The following PSG4 variants were observed in gnomAD, a reference collection of about 807,000 sequenced individuals.
The protein encoded by PSG4 is pregnancy-specific beta-1-glycoprotein 4.
In PSG4, 61 loss-of-function variants were observed where a neutral mutation model predicts 44.3. The observed-to-expected ratio is 1.38, with a 90% CI of 1.12 to 1.70. PSG4 has a LOEUF of 1.70. PSG4 is among the 40% of genes most tolerant of loss of function. The pLI, the probability that PSG4 is intolerant of heterozygous loss-of-function variation, is 0.00. For missense variants in PSG4, 677 were observed against 511.7 expected (o/e 1.32, Z -3.12); for synonymous variants, 248 against 191.3 (o/e 1.30, Z -2.45).
Position 43,204,042 on chromosome 19 carries a change from C to T in PSG4, c.274G>A (p.Gly92Arg), listed in dbSNP as rs1354626589. The change falls in exon 2 of 6, where the codon GGG (glycine) becomes AGG (arginine). Residue 92 changes from glycine to arginine, a missense_variant. By Grantham distance (125) the Gly-to-Arg change is moderately radical. Coordinates refer to ENST00000405312, the MANE Select transcript of PSG4 (RefSeq NM_002780.5). ...YVVDGQRIIY[G>R]PAYSGRERVY... is the part of the protein sequence containing the mutation. ...CTTTCTCTTCCACTGTATGCAGGCC[C>T]ATATATAATTCTTTGACCGTCTACT... is the stretch of plus-strand genomic sequence containing the variant. 6.3e-7 allele frequency: 1 copy of T among 1,587,044 alleles called. No individual in the cohort carries two copies. The highest frequency in any genetic ancestry group is 8.5e-7 in the Non-Finnish European group (1 of 1,171,338).
At position 43,201,411 on chromosome 19, in the gene PSG4, A is replaced by G. The variant is rs750855459; in HGVS notation, c.430+2475T>C. 7.5e-5 allele frequency among the ~76,000 whole-genome samples: 11 copies of G among 145,698 alleles called. 1 individual carries two copies. The highest frequency in any genetic ancestry group is 1.6e-4 in the Non-Finnish European group (11 of 67,168). Reference sequence around the variant, plus strand: ...CTGACTGCTCCAGTGTCATTTGGCAAGAGTTTACAAAATTTGTAACTAATT... The same window carrying G: ...CTGACTGCTCCAGTGTCATTTGGCAGGAGTTTACAAAATTTGTAACTAATT... On this transcript the variant is annotated intron_variant, in intron 2 of 5. Transcript: ENST00000405312.
rs1004278114 is a variant in PSG4, at chr19:43,201,032, C to G, written c.431-2757G>C. ...GTTGAGGATGGAGTCCCAAGTGATA[C>G]AGGAGAAATGAGTCCATGTGCTTTG... On this transcript the variant is annotated intron_variant, in intron 2 of 5. Transcript: ENST00000405312. Among the ~76,000 whole-genome samples, 7 of 145,764 alleles carry G rather than the reference C, an allele frequency of 4.8e-5. 1 individual carries two copies. The highest frequency in any genetic ancestry group is 1.0e-4 in the Non-Finnish European group (7 of 67,192).
Position 43,201,821 on chromosome 19 carries a change from G to T in PSG4, c.430+2065C>A, listed in dbSNP as rs879768777. Among the ~76,000 whole-genome samples, 43 of 140,680 alleles carry T rather than the reference G, an allele frequency of 3.1e-4. 3 individuals carry two copies. Among genetic ancestry groups the T allele is most frequent in the Admixed American group, 4.2e-4 (6 of 14,160 alleles). The allele number at this position is 140,680 out of a possible 152,430, so 92.3% of individuals were successfully genotyped here. A position where few individuals can be genotyped will look rare whatever the true frequency, so the allele number is the denominator to read the frequency against. ...TAGAAACCAACATTTCAATAATTTT[G>T]TGTGTGTGTGTGTGTGTGTGCAGAA... On this transcript the variant is annotated intron_variant, in intron 2 of 5. Coordinates refer to ENST00000405312, the MANE Select transcript of PSG4 (RefSeq NM_002780.5).
chr19:43,195,160 G>C lies in PSG4; in HGVS notation c.823C>G (p.Leu275Val). The C allele has an allele frequency of 6.2e-7, 1 of 1,610,294 alleles. No individual in the cohort carries two copies. Among genetic ancestry groups the C allele is most frequent in the African/African-American group, 1.3e-5 (1 of 74,512 alleles). ...CTGACAGGGAGGCTCTGACCATTTA[G>C]CCACCAAATGTAGGTGTAGTTCTTA... ...KSKNYTYIWW[L>V]NGQSLPVSPR... Residue 275 changes from leucine (L) to valine (V), a missense_variant, in exon 4 of 6, where the codon CTA becomes GTA. Coordinates refer to ENST00000405312, the MANE Select transcript of PSG4 (RefSeq NM_002780.5).
intron 2 of PSG4, among the ~76,000 whole-genome samples, chr19:43,201,180 C>T (rs1460120422): frequency 6.9e-6 from 1 of 145,736 alleles, no homozygotes; most frequent in Admixed American, 6.8e-5. Flanking sequence ...TGTCCTCACT[C>T]GTTCCTGGGC....
chr19:43,199,449 A>G (rs1967407857), intron 2 of PSG4, among the ~76,000 whole-genome samples: 1 of 145,748 alleles, frequency 6.9e-6, no homozygotes, highest in Non-Finnish European at 1.5e-5. Flanking sequence ...CAGAAAGGTT[A>G]AAACAAAGTG....
rs575304746 is a variant in PSG4 at position 43,203,628 on chromosome 19, C to G, written c.430+258G>C. On this transcript the variant is annotated intron_variant, in intron 2 of 5. Coordinates refer to ENST00000405312, the MANE Select transcript of PSG4 (RefSeq NM_002780.5). ...GAGGGCATGAGGTGCTTGTCTGAGA[C>G]TGATCTCCTCCTGCTGAGTCCCCCC... The G allele has an allele frequency of 1.9e-5, 11 of 565,738 alleles. 1 individual carries two copies. The African/African-American group carries it at 2.1e-4, about 11-fold the overall frequency. The allele number at this position is 565,738 out of a possible 1,614,324, so 35.0% of individuals were successfully genotyped here.
In PSG4 at chr19:43,204,240, T is replaced by G. The variant is rs200280490; in HGVS notation, c.76A>C (p.Asn26His). 6.7e-5 allele frequency: 105 copies of G among 1,576,004 alleles called. 7 individuals are homozygous for G. The highest frequency in any genetic ancestry group is 8.7e-5 in the Non-Finnish European group (101 of 1,165,520). ...GCAGTTGTGGGCGGATTCCAGAAGT[T>G]TAAAAGTGATGCTAGGAGGTACAGA... is the stretch of plus-strand genomic sequence containing the variant. ...KGVLLTASLL[N>H]FWNPPTTAQV... The change falls in exon 2 of 6, where the codon AAC becomes CAC. Residue 26 changes from asparagine (N) to histidine (H), a missense_variant. Coordinates refer to ENST00000405312, the MANE Select transcript of PSG4 (RefSeq NM_002780.5).
intron 4 of PSG4, 161 bp from the exon 5 acceptor site, chr19:43,194,755 G>C (rs1967160981): frequency 1.4e-6 from 2 of 1,423,104 alleles, no homozygotes; most frequent in African/African-American, 1.4e-5. Context: ...GTATTCACCT[G>C]TTTCTCCCAT....
At chr19:43,205,011 A>C (rs996744666) in intron 1 of PSG4, 2 of 226,356 alleles carry the variant, frequency 8.8e-6, no homozygotes, top group Non-Finnish European at 1.7e-5. Flanking sequence ...TTCCGCTTCA[A>C]TGTGACTTTC....
chr19:43,193,062 G>A lies in PSG4; in HGVS notation c.*310C>T, dbSNP rs182782009. 4 of 593,550 alleles carry A rather than the reference G, an allele frequency of 6.7e-6. No individual in the cohort carries two copies. Among genetic ancestry groups the A allele is most frequent in the East Asian group, 5.5e-5 (2 of 36,302 alleles). 36.8% of individuals were successfully genotyped at this position (593,550 alleles called of 1,614,324 possible). ...ATTATCCTGCCAAGTGAAAGAGGCA[G>A]GCATGAGCAAGGACGGTTAAGAGGG... is the stretch of plus-strand genomic sequence containing the variant. On this transcript the variant is annotated 3_prime_UTR_variant, in exon 6 of 6. Coordinates refer to ENST00000405312, the MANE Select transcript of PSG4 (RefSeq NM_002780.5).
At position 43,193,060 on chromosome 19, in the gene PSG4, C is replaced by G; in HGVS notation, c.*312G>C. The stretch of plus-strand genomic sequence containing the variant: ...GCATTATCCTGCCAAGTGAAAGAGG[C>G]AGGCATGAGCAAGGACGGTTAAGAG... On this transcript the variant is annotated 3_prime_UTR_variant, in exon 6 of 6. Transcript: ENST00000405312. 2 of 590,430 alleles carry G rather than the reference C, an allele frequency of 3.4e-6. No homozygotes were observed. The highest frequency in any genetic ancestry group is 5.5e-5 in the East Asian group (2 of 36,242). 36.6% of individuals were successfully genotyped at this position (590,430 alleles called of 1,614,324 possible). A position where few individuals can be genotyped will look rare whatever the true frequency, so the allele number is the denominator to read the frequency against.
intron 1 of PSG4, among the ~76,000 whole-genome samples, chr19:43,205,111 C>CTTTTTCTTTTTTT (rs1967717327): frequency 1.1e-5 from 1 of 90,852 alleles, no homozygotes; most frequent in Non-Finnish European, 1.9e-5. Context: ...TTCCTTTTTT[C>CTTTTTCTTTTTTT]TTTTTTTTTT....
Position 43,200,202 on chromosome 19 carries a change from G to C in PSG4, c.431-1927C>G, listed in dbSNP as rs958798230. ...TGAGATGCCAATGGCTCGTGTGTCT[G>C]CCCACGTGAAGAAATCCAACTTATG... is the stretch of plus-strand genomic sequence containing the variant. On this transcript the variant is annotated intron_variant, in intron 2 of 5. Coordinates refer to ENST00000405312, the MANE Select transcript of PSG4 (RefSeq NM_002780.5). 2.8e-5 allele frequency among the ~76,000 whole-genome samples: 4 copies of C among 144,696 alleles called. 1 individual carries two copies. Among genetic ancestry groups the C allele is most frequent in the Admixed American group, 2.1e-4 (3 of 14,530 alleles). 94.9% of individuals were successfully genotyped at this position (144,696 alleles called of 152,430 possible).
intron 3 of PSG4, 57 bp from the exon 4 acceptor site, chr19:43,195,330 GCA>G: frequency 6.3e-7 from 1 of 1,587,328 alleles, no homozygotes; most frequent in South Asian, 1.1e-5. Flanking sequence ...TCCTCCACAG[GCA>G]TACTTCAATC....
Position 43,204,217 on chromosome 19 carries a change from A to T in PSG4, c.99T>A (p.Thr33=). The change falls in exon 2 of 6, where the codon ACT becomes ACA. Residue 33 remains threonine (T), a synonymous_variant. Transcript: ENST00000405312. ...SLLNFWNPPT[T]AQVTIEAQPP... is the part of the protein sequence containing the mutation. Reference sequence around the variant, plus strand: ...GCTGGGCTTCAATCGTGACTTGGGCAGTTGTGGGCGGATTCCAGAAGTTTA... The same window carrying T: ...GCTGGGCTTCAATCGTGACTTGGGCTGTTGTGGGCGGATTCCAGAAGTTTA... 6.3e-7 allele frequency: 1 copy of T among 1,581,390 alleles called. No homozygotes were observed. Among genetic ancestry groups the T allele is most frequent in the South Asian group, 1.1e-5 (1 of 89,354 alleles).
In PSG4 at chr19:43,192,905, G is replaced by A. The variant is rs1191280183; in HGVS notation, c.*467C>T. ...ATATCTCTGTGTTCATTTCTATTGG[G>A]AGCCCTGTATGCAAGATGGAGAGAG... On this transcript the variant is annotated 3_prime_UTR_variant, in exon 6 of 6. Coordinates refer to ENST00000405312, the MANE Select transcript of PSG4 (RefSeq NM_002780.5). 8.5e-6 allele frequency: 3 copies of A among 351,034 alleles called. No homozygotes were observed. Among genetic ancestry groups the A allele is most frequent in the Non-Finnish European group, 1.6e-5 (3 of 191,324 alleles). 21.7% of individuals were successfully genotyped at this position (351,034 alleles called of 1,614,324 possible).
Position 43,194,355 on chromosome 19 carries a change from T to C in PSG4, c.1228A>G (p.Thr410Ala). The change falls in exon 5 of 6, where the codon ACA (threonine) becomes GCA (alanine). Residue 410 changes from threonine (T) to alanine (A), a missense_variant. By Grantham distance (58) the Thr-to-Ala change is moderately conservative. Coordinates refer to ENST00000405312, the MANE Select transcript of PSG4 (RefSeq NM_002780.5). The stretch of plus-strand genomic sequence containing the variant: ...ATCCACTTACCAGAGACTTTGACTG[T>C]GATGGATTTGGAGCTTTCCTTGCCA... ...ATGKESSKSI[T>A]VKVSDWILP 6.2e-7 allele frequency: 1 copy of C among 1,612,320 alleles called. No homozygotes were observed. Among genetic ancestry groups the C allele is most frequent in the Non-Finnish European group, 8.5e-7 (1 of 1,179,086 alleles).
chr19:43,198,104 GTC>G lies in PSG4; in HGVS notation c.600_601del (p.Arg200SerfsTer16). ...CTTTGTGACACCAAATATAAAGAGGGTCCTGTTGGTTTTGGACAGCTGCAACC... is the reference window on the plus strand; with the variant it reads ...CTTTGTGACACCAAATATAAAGAGGGCTGTTGGTTTTGGACAGCTGCAACC... On this transcript the variant is annotated frameshift_variant, in exon 3 of 6. Transcript: ENST00000405312. LOFTEE classifies it high-confidence loss of function. 3 of 1,587,654 alleles carry G rather than the reference GTC, an allele frequency of 1.9e-6. No homozygotes were observed. The highest frequency in any genetic ancestry group is 2.6e-6 in the Non-Finnish European group (3 of 1,171,872).
Sources: allele counts gnomAD v4.1 joint callset (sites outside exome capture counted in the v4.1 genomes callset), GRCh38; gene constraint gnomAD v4.1.1; transcripts MANE v1.5; gene names NCBI Gene and HGNC (gene_info 2026-07-23, HGNC 2026-07-21).